FIRRM: variants seen among roughly 807,000 people sequenced by gnomAD.
The protein encoded by FIRRM is FIGNL1 interacting regulator of recombination and mitosis, also known as FIGNL1-interacting regulator of recombination and mitosis.
At chr1:169,821,070 T>C in the FIRRM span, among the ~76,000 whole-genome samples, 1 of 152,222 alleles carries the variant, frequency 6.6e-6, no homozygotes, top group Non-Finnish European at 1.5e-5. Flanking sequence ...TAATAATGTA[T>C]TATTTTATGC....
chr1:169,817,593 T>C, the FIRRM span, among the ~76,000 whole-genome samples: 2 of 152,240 alleles, frequency 1.3e-5, no homozygotes, highest in Admixed American at 1.3e-4. Context: ...ATGATTTTTA[T>C]ACCAAAAAAG....
At chr1:169,847,234 C>A in the FIRRM span, among the ~76,000 whole-genome samples, 199 of 147,412 alleles carry the variant, frequency 1.3e-3, no homozygotes, top group Non-Finnish European at 2.2e-3. Context: ...CTGTGACAGC[C>A]ATGAAGTGAA....
the FIRRM span, among the ~76,000 whole-genome samples, chr1:169,802,020 C>T: frequency 2.0e-5 from 3 of 152,256 alleles, no homozygotes; most frequent in South Asian, 6.2e-4. Flanking sequence ...GTATTGTTGA[C>T]TGTGTTGCTA....
At chr1:169,808,069 G>C in the FIRRM span, 3 of 808,586 alleles carry the variant, frequency 3.7e-6, no homozygotes, top group South Asian at 3.6e-5. Flanking sequence ...TGATCTGTGG[G>C]ATTATTTATA....
the FIRRM span, among the ~76,000 whole-genome samples, chr1:169,815,202 A>G: frequency 2.0e-5 from 3 of 151,656 alleles, no homozygotes; most frequent in Admixed American, 2.0e-4. Context: ...AGGCTGAGGC[A>G]GGAGAATCTC....
chr1:169,840,888 A>G, the FIRRM span, among the ~76,000 whole-genome samples: 1 of 152,036 alleles, frequency 6.6e-6, no homozygotes, highest in Non-Finnish European at 1.5e-5. Flanking sequence ...TTGATTTTGT[A>G]TCCTGAAACA....
chr1:169,840,534 G>A, the FIRRM span, among the ~76,000 whole-genome samples: 3 of 148,586 alleles, frequency 2.0e-5, no homozygotes, highest in Non-Finnish European at 3.0e-5. Context: ...TTGTTGAGAC[G>A]GAGTCTCGCA....
the FIRRM span, chr1:169,794,824 C>T: frequency 2.3e-6 from 1 of 432,546 alleles, no homozygotes; most frequent in South Asian, 2.7e-5. Flanking sequence ...CCTGGGGATG[C>T]TTGCTTCCCG....
chr1:169,847,285 T>C, the FIRRM span, among the ~76,000 whole-genome samples: 3 of 131,968 alleles, frequency 2.3e-5, no homozygotes, highest in Non-Finnish European at 4.6e-5. Flanking sequence ...ACTTGTTCAG[T>C]ACAGAGTTGC....
At chr1:169,811,187 A>C in the FIRRM span, among the ~76,000 whole-genome samples, 1 of 152,066 alleles carries the variant, frequency 6.6e-6, no homozygotes, top group Non-Finnish European at 1.5e-5. Context: ...TTTTTCTATA[A>C]ACAGGGAAAT....
the FIRRM span, chr1:169,842,650 G>A: frequency 1.6e-6 from 2 of 1,272,312 alleles, no homozygotes; most frequent in Non-Finnish European, 2.1e-6. Flanking sequence ...TCTTTTGGGT[G>A]CTTGGTAGAC....
chr1:169,822,163 A>G, the FIRRM span, among the ~76,000 whole-genome samples: 8 of 152,172 alleles, frequency 5.3e-5, no homozygotes, highest in Non-Finnish European at 1.2e-4. Flanking sequence ...CATTTCCCAC[A>G]ATGTGTCTTT....
chr1:169,795,369 G>C, the FIRRM span: 2 of 1,406,186 alleles, frequency 1.4e-6, no homozygotes, highest in Non-Finnish European at 1.9e-6. Context: ...GAAAAGTGAG[G>C]GACTGGAGGG....
the FIRRM span, among the ~76,000 whole-genome samples, chr1:169,820,656 ACT>A: frequency 1.3e-5 from 2 of 152,040 alleles, no homozygotes; most frequent in African/African-American, 2.4e-5. Flanking sequence ...CTTAGGAGAG[ACT>A]CTAACTCCCG....
At chr1:169,793,905 G>C in the FIRRM span, 2 of 215,580 alleles carry the variant, frequency 9.3e-6, no homozygotes, top group Non-Finnish European at 8.2e-6. Context: ...GCTCTGGAAA[G>C]AAAAAAAAAA....
the FIRRM span, among the ~76,000 whole-genome samples, chr1:169,824,931 A>G: frequency 6.6e-6 from 1 of 152,318 alleles, no homozygotes; most frequent in East Asian, 1.9e-4. Context: ...AATTGTCCCA[A>G]ACTGAACTCT....
chr1:169,853,582 G>A, the FIRRM span: 2 of 919,302 alleles, frequency 2.2e-6, no homozygotes, highest in African/African-American at 1.6e-5. Flanking sequence ...GGCACAGACT[G>A]GATAATGAGC....
chr1:169,803,383 T>C, the FIRRM span: 1 of 1,342,310 alleles, frequency 7.4e-7, no homozygotes, highest in African/African-American at 1.4e-5. Context: ...ATAATGTTTG[T>C]ATAAGATTTT....
the FIRRM span, chr1:169,795,570 A>C: frequency 1.5e-5 from 16 of 1,045,322 alleles, no homozygotes; most frequent in Non-Finnish European, 1.8e-5. Flanking sequence ...AAGGACTGAG[A>C]CCTGCGGTAT....
Sources: allele counts gnomAD v4.1 joint callset (sites outside exome capture counted in the v4.1 genomes callset), GRCh38; gene constraint gnomAD v4.1.1; transcripts MANE v1.5; gene names NCBI Gene and HGNC (gene_info 2026-07-23, HGNC 2026-07-21).